The following BUB1 variants were observed in gnomAD, a reference collection of about 807,000 sequenced individuals.
BUB1 encodes the protein BUB1 mitotic checkpoint serine/threonine kinase, also known as mitotic checkpoint serine/threonine-protein kinase BUB1.
BUB1 carries 84 observed loss-of-function variants against 135.2 expected under a neutral mutation model. The ratio of observed to expected loss-of-function variants is 0.62; its 90% CI spans 0.52 to 0.74. The LOEUF (loss-of-function observed/expected upper bound fraction) is 0.74, where lower values mean the gene tolerates loss of function less well. Among genes scored for constraint, BUB1 ranks in the 30% least tolerant of loss-of-function variants. The pLI is 0.00. For synonymous variants in BUB1, 403 were observed against 434.4 expected (o/e 0.93, Z 0.90); for missense variants, 1,162 against 1,288.3 (o/e 0.90, Z 1.50).
intron 8 of BUB1, among the ~76,000 whole-genome samples, chr2:110,667,140 T>G (rs1280944988): frequency 2.0e-5 from 3 of 152,224 alleles, no homozygotes; most frequent in Non-Finnish European, 4.4e-5. Context: ...AATTACTATA[T>G]ACAGATAATA....
At chr2:110,669,699 A>C (rs556704788) in intron 5 of BUB1, 146 bp from the exon 6 acceptor site, 3 of 556,236 alleles carry the variant, frequency 5.4e-6, no homozygotes, top group Non-Finnish European at 6.4e-6. Flanking sequence ...ATTTCAACTA[A>C]AACGTTTTTA....
At chr2:110,655,282 G>A (rs1039999692) in intron 16 of BUB1, among the ~76,000 whole-genome samples, 1 of 152,138 alleles carries the variant, frequency 6.6e-6, no homozygotes, top group African/African-American at 2.4e-5. Flanking sequence ...GTCTAATAAA[G>A]TTGACATATA....
At chr2:110,659,113 G>C (rs1028588589) in intron 11 of BUB1, among the ~76,000 whole-genome samples, 2 of 152,138 alleles carry the variant, frequency 1.3e-5, no homozygotes, top group African/African-American at 4.8e-5. Flanking sequence ...CTGCAGTCAG[G>C]CATAGAATAC....
chr2:110,642,908 T>C (rs1006162082), intron 19 of BUB1: 2 of 153,944 alleles, frequency 1.3e-5, no homozygotes, highest in African/African-American at 4.8e-5. Flanking sequence ...CCCAGGCTTG[T>C]CTCAAATTCC....
intron 4 of BUB1, among the ~76,000 whole-genome samples, chr2:110,671,055 TCTAC>T (rs1459991993): frequency 6.6e-6 from 1 of 152,194 alleles, no homozygotes; most frequent in Non-Finnish European, 1.5e-5. Flanking sequence ...CATTTTCAAC[TCTAC>T]CTGTCGGGTA....
chr2:110,665,553 AAAAAAG>A (rs1690223290), intron 9 of BUB1, among the ~76,000 whole-genome samples: 2 of 151,622 alleles, frequency 1.3e-5, no homozygotes, highest in Non-Finnish European at 2.9e-5. Flanking sequence ...AAAATTAAAA[AAAAAAG>A]AAAAAGAATG....
At position 110,642,108 on chromosome 2, in the gene BUB1, A is replaced by C; in HGVS notation, c.2463+11T>G. ...TTCTATATCATACAAAAGACAACTCAGGTCATTTACCTTTAAAACAAATTT... is the reference window on the plus strand; with the variant it reads ...TTCTATATCATACAAAAGACAACTCCGGTCATTTACCTTTAAAACAAATTT... On this transcript the variant is annotated intron_variant, in intron 20 of 24. Coordinates refer to ENST00000302759, the MANE Select transcript of BUB1 (RefSeq NM_004336.5). 1 of 1,567,870 alleles carries C rather than the reference A, an allele frequency of 6.4e-7. No individual in the cohort carries two copies. The highest frequency in any genetic ancestry group is 8.7e-7 in the Non-Finnish European group (1 of 1,146,504).
chr2:110,652,272 C>T (rs1201225640), intron 17 of BUB1, among the ~76,000 whole-genome samples: 1 of 152,160 alleles, frequency 6.6e-6, no homozygotes, highest in Non-Finnish European at 1.5e-5. Context: ...CAAGGTGACA[C>T]TCAGCCTTCC....
intron 19 of BUB1, among the ~76,000 whole-genome samples, chr2:110,643,147 C>T (rs1464980100): frequency 2.6e-5 from 4 of 152,164 alleles, no homozygotes; most frequent in African/African-American, 4.8e-5. Context: ...AAATCAACGA[C>T]GCTTCTGAGA....
chr2:110,637,822 A>G lies in BUB1; in HGVS notation c.*142T>C, dbSNP rs1689403196. ...TTGTATATTTTGTTGAAATATTTATAACAACTAAGTTACATGGAAATATTC... is the reference window on the plus strand; with the variant it reads ...TTGTATATTTTGTTGAAATATTTATGACAACTAAGTTACATGGAAATATTC... On this transcript the variant is annotated 3_prime_UTR_variant, in exon 25 of 25. Transcript: ENST00000302759. 3 of 656,388 alleles carry G rather than the reference A, an allele frequency of 4.6e-6. No homozygotes were observed. The highest frequency in any genetic ancestry group is 9.4e-4 in the Middle Eastern group (2 of 2,134). The allele number at this position is 656,388 out of a possible 1,614,324, so 40.7% of individuals were successfully genotyped here.
At position 110,666,116 on chromosome 2, in the gene BUB1, C is replaced by A. The variant is rs1690244850; in HGVS notation, c.957+147G>T. On this transcript the variant is annotated intron_variant, in intron 9 of 24. Transcript: ENST00000302759. ...TTCCACTCTCACTCTACATTGTGAA[C>A]GTCTATGTCAAATTATTTTAGACTT... The A allele has an allele frequency of 1.5e-5, 11 of 758,254 alleles. No homozygotes were observed. The East Asian group carries it at 3.7e-4, about 26-fold the overall frequency. The allele number at this position is 758,254 out of a possible 1,614,324, so 47.0% of individuals were successfully genotyped here.
chr2:110,668,188 C>T (rs1464241322), intron 6 of BUB1, among the ~76,000 whole-genome samples: 1 of 152,090 alleles, frequency 6.6e-6, no homozygotes, highest in Non-Finnish European at 1.5e-5. Context: ...ATGGGATTGA[C>T]ATTCCCAACT....
intron 1 of BUB1, chr2:110,676,638 T>A (rs1348011931): frequency 2.0e-5 from 3 of 152,262 alleles, no homozygotes; most frequent in African/African-American, 4.8e-5. Flanking sequence ...AAAAAAAGAA[T>A]AAGAAAGAAC....
chr2:110,672,190 G>A (rs1037657068), intron 4 of BUB1, among the ~76,000 whole-genome samples: 4 of 151,932 alleles, frequency 2.6e-5, no homozygotes, highest in African/African-American at 4.8e-5. Context: ...TTACACCATC[G>A]CACTCCAGCC....
chr2:110,653,636 A>G, intron 16 of BUB1, 113 bp from the exon 17 acceptor site: 1 of 818,918 alleles, frequency 1.2e-6, no homozygotes, highest in Non-Finnish European at 2.0e-6. Context: ...GACTTGCATT[A>G]TGATTTCAAA....
At chr2:110,659,872 A>G in intron 11 of BUB1, 106 bp downstream of exon 11, 1 of 739,142 alleles carries the variant, frequency 1.4e-6, no homozygotes, top group East Asian at 2.9e-5. Context: ...TCTAACACTC[A>G]GGTTCATTAA....
rs1272913032 is a variant in BUB1 at position 110,648,957 on chromosome 2, A to G, written c.2347+277T>C. ...TAATAATATCTATAGGAAATCCTTA[A>G]AAGTGGATAGCTGGCTTTAAAAGTA... On this transcript the variant is annotated intron_variant, in intron 19 of 24. Transcript: ENST00000302759. The surrounding 1 kb of genome is among the most constrained non-coding windows in gnomAD (Gnocchi z 4.2). The G allele has an allele frequency of 8.7e-6, 2 of 229,568 alleles. No individual in the cohort carries two copies. The highest frequency in any genetic ancestry group is 1.7e-5 in the Non-Finnish European group (2 of 118,182). The allele number at this position is 229,568 out of a possible 1,614,324, so 14.2% of individuals were successfully genotyped here.
chr2:110,672,964 G>T, intron 3 of BUB1, 107 bp from the exon 4 acceptor site: 2 of 1,149,934 alleles, frequency 1.7e-6, no homozygotes, highest in Non-Finnish European at 2.4e-6. Flanking sequence ...CTTCGGATGG[G>T]AGCTGGTCAT....
intron 16 of BUB1, among the ~76,000 whole-genome samples, chr2:110,654,632 T>A (rs1689874298): frequency 1.4e-5 from 2 of 146,832 alleles, no homozygotes; most frequent in South Asian, 4.3e-4. Flanking sequence ...AAGGCTTTAA[T>A]CTTTTTTTTT....
Sources: allele counts gnomAD v4.1 joint callset (sites outside exome capture counted in the v4.1 genomes callset), GRCh38; gene constraint gnomAD v4.1.1; non-coding constraint Gnocchi (gnomAD v3.1); transcripts MANE v1.5; gene names NCBI Gene and HGNC (gene_info 2026-07-23, HGNC 2026-07-21).